The following CFAP47 variants were observed in gnomAD, a reference collection of about 807,000 sequenced individuals.
CFAP47 encodes the protein cilia and flagella associated protein 47.
CFAP47 carries 29 observed loss-of-function variants against 148.1 expected under a neutral mutation model. The ratio of observed to expected loss-of-function variants is 0.20; its 90% confidence interval spans 0.15 to 0.27. The LOEUF is 0.27. CFAP47 is among the 10% of genes least tolerant of loss of function. The probability of loss-of-function intolerance (pLI) is 1.00; values close to 1 mark genes in which losing one functional copy is unlikely to be tolerated. For missense variants in CFAP47, 1,872 were observed against 1,697.5 expected (o/e 1.10, Z -1.81); for synonymous variants, 664 against 577.3 (o/e 1.15, Z -2.15).
intron 22 of CFAP47, among the ~76,000 whole-genome samples, chrX:36,017,611 C>A (rs1937111020): frequency 9.0e-6 from 1 of 111,343 alleles, no homozygotes; most frequent in African/African-American, 3.3e-5. Flanking sequence ...ATATGGATAT[C>A]CAGTTTTCCT....
chrX:36,350,056 C>A lies in CFAP47; in HGVS notation c.8622C>A (p.Ser2874Arg). The A allele has an allele frequency of 1.7e-6, 2 of 1,153,249 alleles. No homozygotes were observed. Among genetic ancestry groups the A allele is most frequent in the South Asian group, 1.9e-5 (1 of 51,451 alleles). ...TAATTAGTATTGTGGGAATCGACAG[C>A]GAAGAAATCCAAGCAATACACTGGA... ...IKFKSIVGIDSEEIQAIHWIY... is the reference protein window; with the variant it reads ...IKFKSIVGIDREEIQAIHWIY... Residue 2874 changes from serine (S) to arginine (R), a missense_variant, in exon 59 of 64, where the codon AGC (serine) becomes AGA (arginine). Physicochemically the swap from Ser to Arg is moderately radical, Grantham distance 110. Coordinates refer to ENST00000378653, the MANE Select transcript of CFAP47 (RefSeq NM_001304548.2).
In CFAP47 at chrX:36,073,289, C is replaced by T; in HGVS notation, c.4616C>T (p.Ala1539Val). 8.3e-7 allele frequency: 1 copy of T among 1,209,982 alleles called. No homozygotes were observed. The highest frequency in any genetic ancestry group is 1.1e-6 in the Non-Finnish European group (1 of 894,328). ...TACTTTTTTGAGAAGGTTGTAAATG[C>T]AGCACAGACCTGGTTCAGTCTCTTT... ...AHYFFEKVVNAAQTWFSLFGW... is the reference protein window; with the variant it reads ...AHYFFEKVVNVAQTWFSLFGW... The change falls in exon 29 of 64, where the codon GCA (alanine) becomes GTA (valine). Residue 1539 changes from alanine to valine, a missense_variant. Ala to Val is a moderately conservative substitution (Grantham distance 64, BLOSUM62 0). Coordinates refer to ENST00000378653, the MANE Select transcript of CFAP47 (RefSeq NM_001304548.2).
Position 36,348,182 on chromosome X carries a change from C to A in CFAP47, c.8497C>A (p.Gln2833Lys). ...NIDISLLFIP[Q>K]IMKLHKTMVI... ...AGATATCTCATTGTTATTTATACCTCAAATTATGAAATTACACAAAACAAT... is the reference window on the plus strand; with the variant it reads ...AGATATCTCATTGTTATTTATACCTAAAATTATGAAATTACACAAAACAAT... The change falls in exon 58 of 64, where the codon CAA becomes AAA. Residue 2833 changes from glutamine (Q) to lysine (K), a missense_variant. Physicochemically the swap from Gln to Lys is moderately conservative, Grantham distance 53. Transcript: ENST00000378653. 9.5e-7 allele frequency: 1 copy of A among 1,056,526 alleles called. No individual in the cohort carries two copies. Among genetic ancestry groups the A allele is most frequent in the Non-Finnish European group, 1.2e-6 (1 of 810,185 alleles). 87.1% of individuals were successfully genotyped at this position (1,056,526 alleles called of 1,213,427 possible).
At chrX:36,167,770 G>A (rs963263226) in intron 39 of CFAP47, among the ~76,000 whole-genome samples, 1 of 111,585 alleles carries the variant, frequency 9.0e-6, no homozygotes, top group African/African-American at 3.3e-5. Flanking sequence ...GAAGGAGATA[G>A]AGTTCTTGGT....
chrX:36,338,454 C>T (rs1296783370), intron 57 of CFAP47, among the ~76,000 whole-genome samples: 1 of 111,577 alleles, frequency 9.0e-6, no homozygotes, highest in Non-Finnish European at 1.9e-5. Context: ...TAACTAATAA[C>T]CTAACATTGC....
In CFAP47 at chrX:36,299,073, G is replaced by A. The variant is rs372211844; in HGVS notation, c.7783G>A (p.Glu2595Lys). ...GAGTGCTGCCCTTAATGGGGATAAT[G>A]AAATTATCCTGAGTCCACTACAGTG... ...LTSAALNGDN[E>K]IILSPLQCTK... is the part of the protein sequence containing the mutation. Residue 2595 changes from glutamate to lysine, a missense_variant, in exon 52 of 64, where the codon GAA becomes AAA. Glu to Lys is a moderately conservative substitution (Grantham distance 56). Coordinates refer to ENST00000378653, the MANE Select transcript of CFAP47 (RefSeq NM_001304548.2). 1,408 of 1,131,656 alleles carry A rather than the reference G, an allele frequency of 1.2e-3. 2 individuals carry two copies. In the African/African-American group the frequency reaches 0.023, roughly 19 times the overall value. The allele number at this position is 1,131,656 out of a possible 1,213,427, so 93.3% of individuals were successfully genotyped here.
chrX:36,367,275 T>C (rs1941887624), intron 62 of CFAP47, 148 bp downstream of exon 62: 2 of 347,935 alleles, frequency 5.7e-6, no homozygotes, highest in Non-Finnish European at 4.8e-6. Context: ...ATATACTACA[T>C]AAATTTTTAC....
chrX:36,372,122 CCTCT>C (rs1941977138), intron 62 of CFAP47, among the ~76,000 whole-genome samples: 1 of 106,177 alleles, frequency 9.4e-6, no homozygotes, highest in African/African-American at 3.4e-5. Flanking sequence ...TTGTTTAAAC[CCTCT>C]CTAATTCATT....
intron 51 of CFAP47, among the ~76,000 whole-genome samples, chrX:36,292,118 C>A (rs187757378): frequency 1.8e-5 from 2 of 111,163 alleles, no homozygotes; most frequent in South Asian, 7.6e-4. Flanking sequence ...ACATACATGT[C>A]CCCCAGTCTG....
chrX:36,014,399 C>A (rs1341526689), intron 21 of CFAP47, among the ~76,000 whole-genome samples: 2 of 110,736 alleles, frequency 1.8e-5, no homozygotes, highest in African/African-American at 6.5e-5. Context: ...TGATACTGTA[C>A]AATTTAATTG....
rs782486083 is a variant in CFAP47 at position 36,199,659 on chromosome X, G to A, written c.6322-720G>A. Among the ~76,000 whole-genome samples, 19 of 111,597 alleles carry A rather than the reference G, an allele frequency of 1.7e-4. No homozygotes were observed. In the South Asian group the frequency reaches 4.5e-3, roughly 26 times the overall value. ...CTCCCTGATTTATAGAAATAATATTGGCTAATGATTGGCTATACATTGTTT... is the reference window on the plus strand; with the variant it reads ...CTCCCTGATTTATAGAAATAATATTAGCTAATGATTGGCTATACATTGTTT... On this transcript the variant is annotated intron_variant, in intron 42 of 63. Transcript: ENST00000378653.
chrX:36,219,021 A>G (rs73197185), intron 45 of CFAP47, among the ~76,000 whole-genome samples: 6,413 of 111,372 alleles, frequency 0.058, 160 homozygotes, highest in Middle Eastern at 0.13. Flanking sequence ...GATAGCAAGC[A>G]TCAGAGACAA....
At chrX:35,943,339 C>T (rs764998134) in intron 3 of CFAP47, among the ~76,000 whole-genome samples, 1 of 111,363 alleles carries the variant, frequency 9.0e-6, no homozygotes, top group African/African-American at 3.3e-5. Context: ...ATATTTAAAA[C>T]TCAACACTTG....
chrX:36,125,319 T>C (rs1938816674), intron 33 of CFAP47, among the ~76,000 whole-genome samples: 2 of 111,386 alleles, frequency 1.8e-5, no homozygotes, highest in South Asian at 7.5e-4. Flanking sequence ...TCATGTCAGA[T>C]AAATTCTAGT....
chrX:36,029,301 G>A (rs1334051450), intron 22 of CFAP47, among the ~76,000 whole-genome samples: 3 of 110,483 alleles, frequency 2.7e-5, no homozygotes, highest in African/African-American at 6.5e-5. Flanking sequence ...TGGTATAATA[G>A]CTTATCCGTT....
Position 35,953,712 on chromosome X carries a change from C to A in CFAP47, c.1167C>A (p.Thr389=), listed in dbSNP as rs1423237025. ...DGFLRDDDYK[T]IKSERFQKVE... ...TTTTGAGAGATGATGACTATAAAAC[C>A]ATCAAAAGTAAGTGTGAAATTAACA... is the stretch of plus-strand genomic sequence containing the variant. Residue 389 remains threonine, a synonymous_variant, in exon 7 of 64, where the codon ACC becomes ACA. Transcript: ENST00000378653. 5.9e-6 allele frequency: 7 copies of A among 1,181,489 alleles called. No homozygotes were observed. The highest frequency in any genetic ancestry group is 8.0e-6 in the Non-Finnish European group (7 of 879,282).
At chrX:35,960,797 C>T (rs991943973) in intron 8 of CFAP47, among the ~76,000 whole-genome samples, 6 of 111,395 alleles carry the variant, frequency 5.4e-5, no homozygotes, top group Admixed American at 9.6e-5. Context: ...GAACATGTCA[C>T]CTGTGAATGG....
At chrX:36,102,562 A>G (rs1303372369) in intron 32 of CFAP47, among the ~76,000 whole-genome samples, 1 of 111,212 alleles carries the variant, frequency 9.0e-6, no homozygotes, top group African/African-American at 3.3e-5. Flanking sequence ...TAAAGGTTAC[A>G]ACCATGCTCC....
chrX:36,202,545 A>G (rs1255158921), intron 44 of CFAP47, among the ~76,000 whole-genome samples: 2 of 111,074 alleles, frequency 1.8e-5, no homozygotes, highest in Admixed American at 9.6e-5. Flanking sequence ...CCTACACATT[A>G]GTGGGCTACC....
Sources: allele counts gnomAD v4.1 joint callset (sites outside exome capture counted in the v4.1 genomes callset), GRCh38; gene constraint gnomAD v4.1.1; transcripts MANE v1.5; gene names NCBI Gene and HGNC (gene_info 2026-07-23, HGNC 2026-07-21).